PRRG1: variants seen among roughly 807,000 people sequenced by gnomAD.
PRRG1 encodes the protein proline rich and Gla domain 1, also known as transmembrane gamma-carboxyglutamic acid protein 1.
PRRG1 carries 5 observed loss-of-function variants against 11.8 expected under a neutral mutation model. The ratio of observed to expected loss-of-function variants is 0.42; its 90% confidence interval spans 0.22 to 0.89. The LOEUF is 0.89. PRRG1 is among the 40% of genes least tolerant of loss of function. The pLI is 0.28. For synonymous variants in PRRG1, 66 were observed against 60.4 expected (o/e 1.09, Z -0.43); for missense variants, 155 against 166.1 (o/e 0.93, Z 0.37).
At position 37,453,365 on chromosome X, in the gene PRRG1, CA is replaced by C. The variant is rs782727060; in HGVS notation, c.402del (p.Pro135GlnfsTer18). The C allele has an allele frequency of 1.7e-6, 2 of 1,209,381 alleles. No homozygotes were observed. Among genetic ancestry groups the C allele is most frequent in the Non-Finnish European group, 2.2e-6 (2 of 894,413 alleles). Reference protein sequence around the residue: ...QHLNIITPPPPPDEVFDSSGL... With the variant: ...QHLNIITPPPXPDEVFDSSGL... Reference sequence around the variant, plus strand: ...CTTAATATTATCACCCCACCCCCCCCACCAGATGAAGTGTTTGACAGCAGTG... The same window carrying C: ...CTTAATATTATCACCCCACCCCCCCCCCAGATGAAGTGTTTGACAGCAGTG... On this transcript the variant is annotated frameshift_variant, in exon 4 of 4. Coordinates refer to ENST00000378628, the MANE Select transcript of PRRG1 (RefSeq NM_001142395.2). LOFTEE classifies it high-confidence loss of function.
chrX:37,399,921 A>G (rs1257273807), intron 1 of PRRG1, among the ~76,000 whole-genome samples: 1 of 111,448 alleles, frequency 9.0e-6, no homozygotes, highest in Non-Finnish European at 1.9e-5. Flanking sequence ...CAATTCAACA[A>G]GAACAGCTAA....
intron 2 of PRRG1, among the ~76,000 whole-genome samples, chrX:37,415,624 A>G (rs782661188): frequency 2.0e-4 from 22 of 111,706 alleles, no homozygotes; most frequent in Non-Finnish European, 4.1e-4. Context: ...GTAGCTGCCA[A>G]TAGTTAAAGG....
chrX:37,374,076 T>C (rs901021180), intron 1 of PRRG1, among the ~76,000 whole-genome samples: 1 of 112,398 alleles, frequency 8.9e-6, no homozygotes, highest in Admixed American at 9.4e-5. Context: ...GTCATATTTA[T>C]AGCTTTCTAT....
chrX:37,442,119 G>A (rs1248841619), intron 3 of PRRG1: 10 of 758,031 alleles, frequency 1.3e-5, no homozygotes, highest in East Asian at 3.0e-4. Context: ...CCTGGGTCAG[G>A]CCACCAGGCG....
Position 37,438,478 on chromosome X carries a change from C to T in PRRG1, c.171+12478C>T, listed in dbSNP as rs1308487219. Among the ~76,000 whole-genome samples, 4 of 100,082 alleles carry T rather than the reference C, an allele frequency of 4.0e-5. No homozygotes were observed. The South Asian group carries it at 1.5e-3, about 38-fold the overall frequency. The allele number at this position is 100,082 out of a possible 115,157, so 86.9% of individuals were successfully genotyped here. ...TGAAACACGGTTTCGCTCTTATTGC[C>T]CAGGCTGGAGTGCAATGCCATGATC... On this transcript the variant is annotated intron_variant, in intron 3 of 3. Transcript: ENST00000378628.
intron 2 of PRRG1, among the ~76,000 whole-genome samples, chrX:37,419,423 T>A (rs942328320): frequency 8.9e-6 from 1 of 112,221 alleles, no homozygotes; most frequent in Admixed American, 9.5e-5. Context: ...TTCTGGACCA[T>A]TTCTTGAGAA....
Position 37,457,211 on chromosome X carries a change from AT to A in PRRG1, c.*3595del, listed in dbSNP as rs1407833646. The A allele has an allele frequency of 8.9e-6, 1 of 111,880 alleles. No individual in the cohort carries two copies. The highest frequency in any genetic ancestry group is 1.9e-5 in the Non-Finnish European group (1 of 53,071). The allele number at this position is 111,880 out of a possible 1,213,427, so 9.2% of individuals were successfully genotyped here. A position where few individuals can be genotyped will look rare whatever the true frequency, so the allele number is the denominator to read the frequency against. ...TTACATTAAATTATGGTATTTAACT[AT>A]TTTTATGTTTATACTAGGTAGGGTC... On this transcript the variant is annotated 3_prime_UTR_variant, in exon 4 of 4. Transcript: ENST00000378628.
At chrX:37,426,243 C>T (rs1556388384) in intron 3 of PRRG1, among the ~76,000 whole-genome samples, 1 of 111,548 alleles carries the variant, frequency 9.0e-6, no homozygotes, top group African/African-American at 3.3e-5. Context: ...GATTTATCAT[C>T]TTGGCGAGTA....
intron 3 of PRRG1, among the ~76,000 whole-genome samples, chrX:37,427,502 A>C (rs1556388780): frequency 8.9e-6 from 1 of 111,929 alleles, no homozygotes; most frequent in Non-Finnish European, 1.9e-5. Context: ...TCTTAGCAAA[A>C]TTTAAGTATA....
chrX:37,431,772 G>GT (rs1556390258), intron 3 of PRRG1, among the ~76,000 whole-genome samples: 1 of 111,042 alleles, frequency 9.0e-6, no homozygotes, highest in East Asian at 2.8e-4. Context: ...TTTTGTTGTT[G>GT]TTGTTTGTTT....
chrX:37,350,423 A>G (rs781783403), intron 1 of PRRG1, among the ~76,000 whole-genome samples: 1 of 111,890 alleles, frequency 8.9e-6, no homozygotes, highest in South Asian at 3.8e-4. Flanking sequence ...AAGCCAGGGT[A>G]AGTGAAAAGT....
intron 3 of PRRG1, among the ~76,000 whole-genome samples, chrX:37,427,332 G>A (rs1464894461): frequency 4.5e-5 from 5 of 111,478 alleles, no homozygotes; most frequent in East Asian, 2.8e-4. Flanking sequence ...TAATGTATAC[G>A]TTTCTATGAG....
chrX:37,426,730 G>A (rs782363647), intron 3 of PRRG1, among the ~76,000 whole-genome samples: 18 of 112,484 alleles, frequency 1.6e-4, no homozygotes, highest in African/African-American at 5.8e-4. Context: ...GTTAGAAATA[G>A]GGAAAAGAAT....
At chrX:37,409,959 A>G (rs1405303755) in intron 2 of PRRG1, among the ~76,000 whole-genome samples, 3 of 112,264 alleles carry the variant, frequency 2.7e-5, no homozygotes, top group Non-Finnish European at 3.8e-5. Flanking sequence ...TTATTTGTAC[A>G]TATGTGTTAG....
rs1378080173 is a variant in PRRG1 at position 37,353,415 on chromosome X, G to A, written c.-42+4020G>A. Among the ~76,000 whole-genome samples, 5 of 112,058 alleles carry A rather than the reference G, an allele frequency of 4.5e-5. No individual in the cohort carries two copies. The Admixed American group carries it at 4.7e-4, about 11-fold the overall frequency. ...AAGTTTATGTAGTAAAGAAGTTATA[G>A]TAAGCTAAGGTTAATTTATTATTGA... is the stretch of plus-strand genomic sequence containing the variant. On this transcript the variant is annotated intron_variant, in intron 1 of 3. Transcript: ENST00000378628.
chrX:37,385,458 A>G (rs1158610998), intron 1 of PRRG1, among the ~76,000 whole-genome samples: 1 of 109,947 alleles, frequency 9.1e-6, no homozygotes, highest in Non-Finnish European at 1.9e-5. Context: ...AATGATTCGT[A>G]TACTTTTCTG....
chrX:37,418,266 T>C (rs782526114), intron 2 of PRRG1, among the ~76,000 whole-genome samples: 1 of 112,289 alleles, frequency 8.9e-6, no homozygotes, highest in Admixed American at 9.5e-5. Context: ...TTAATAGATA[T>C]TGGCTCTCTT....
intron 1 of PRRG1, among the ~76,000 whole-genome samples, chrX:37,355,378 A>G (rs1168120050): frequency 8.9e-6 from 1 of 111,819 alleles, no homozygotes; most frequent in Admixed American, 9.5e-5. Context: ...CCTGGTTAAG[A>G]ACCATCTCTT....
intron 1 of PRRG1, among the ~76,000 whole-genome samples, chrX:37,390,413 T>G (rs1556376334): frequency 9.0e-6 from 1 of 111,623 alleles, no homozygotes; most frequent in South Asian, 3.8e-4. Context: ...GCGTATAATA[T>G]ACAGAGCCAG....
Sources: gnomAD v4.1 joint callset for allele counts (sites outside exome capture counted in the v4.1 genomes callset) on GRCh38, gnomAD v4.1.1 for gene constraint, MANE v1.5 for transcripts, NCBI Gene and HGNC (gene_info 2026-07-23, HGNC 2026-07-21) for gene names.